The following THSD7A variants were observed in gnomAD, a reference collection of about 807,000 sequenced individuals.
THSD7A encodes thrombospondin type-1 domain-containing protein 7A.
THSD7A carries 96 observed loss-of-function variants against 231.3 expected under a neutral mutation model. The observed-to-expected ratio is 0.41, with a 90% CI of 0.35 to 0.49. THSD7A has a LOEUF of 0.49. THSD7A is among the 20% of genes least tolerant of loss of function. The pLI is 0.05. For synonymous variants in THSD7A, 940 were observed against 743.3 expected (o/e 1.26, Z -4.30); for missense variants, 2,290 against 2,070.2 (o/e 1.11, Z -2.06).
intron 7 of THSD7A, among the ~76,000 whole-genome samples, chr7:11,475,597 CATATAT>C (rs61076481): frequency 6.8e-6 from 1 of 147,582 alleles, no homozygotes; most frequent in East Asian, 2.0e-4. Flanking sequence ...ATGTATATAA[CATATAT>C]ATAACATATA....
chr7:11,829,719 T>G (rs1785137325), intron 1 of THSD7A, among the ~76,000 whole-genome samples: 1 of 152,126 alleles, frequency 6.6e-6, no homozygotes. Context: ...ATGGTATATC[T>G]TTTTTCTTTA....
chr7:11,453,693 A>C (rs1405364116), intron 11 of THSD7A, among the ~76,000 whole-genome samples: 2 of 152,058 alleles, frequency 1.3e-5, no homozygotes, highest in Non-Finnish European at 2.9e-5. Flanking sequence ...GAGAAAATTT[A>C]CCATCATTTA....
intron 6 of THSD7A, among the ~76,000 whole-genome samples, chr7:11,493,009 T>G (rs1786961621): frequency 6.6e-6 from 1 of 152,118 alleles, no homozygotes; most frequent in African/African-American, 2.4e-5. Context: ...CTCTTCCACC[T>G]TGGGAACCAC....
intron 19 of THSD7A, among the ~76,000 whole-genome samples, chr7:11,410,975 AG>A (rs2115382250): frequency 6.6e-6 from 1 of 152,024 alleles, no homozygotes; most frequent in Non-Finnish European, 1.5e-5. Context: ...CTTTCAGAAT[AG>A]GCTAATTAGC....
intron 4 of THSD7A, among the ~76,000 whole-genome samples, chr7:11,576,074 C>A (rs186999882): frequency 3.3e-5 from 5 of 152,208 alleles, no homozygotes; most frequent in Non-Finnish European, 5.9e-5. Context: ...AAGCTTAGAG[C>A]CAGAAGTTGT....
chr7:11,670,337 G>A (rs1783332123), intron 1 of THSD7A, among the ~76,000 whole-genome samples: 1 of 152,174 alleles, frequency 6.6e-6, no homozygotes, highest in Admixed American at 6.5e-5. Flanking sequence ...CTATGTCCAG[G>A]CAAAGGCCAA....
At chr7:11,422,544 A>G (rs1048107909) in intron 16 of THSD7A, among the ~76,000 whole-genome samples, 2 of 151,284 alleles carry the variant, frequency 1.3e-5, no homozygotes, top group African/African-American at 4.9e-5. Flanking sequence ...TTGATCTGAA[A>G]AGTTACTTTG....
intron 1 of THSD7A, among the ~76,000 whole-genome samples, chr7:11,741,338 A>C (rs1782106048): frequency 6.6e-6 from 1 of 151,896 alleles, no homozygotes; most frequent in African/African-American, 2.4e-5. Flanking sequence ...CATTTCTCTT[A>C]ATCTAAAAGA....
At chr7:11,482,472 A>G (rs1399919277) in intron 6 of THSD7A, among the ~76,000 whole-genome samples, 1 of 152,172 alleles carries the variant, frequency 6.6e-6, no homozygotes, top group African/African-American at 2.4e-5. Context: ...TTTTCATACA[A>G]TTGGCAACCT....
intron 1 of THSD7A, among the ~76,000 whole-genome samples, chr7:11,724,794 A>C (rs1782084881): frequency 2.6e-5 from 4 of 151,930 alleles, no homozygotes; most frequent in Admixed American, 1.3e-4. Context: ...TTCAAGGAGA[A>C]ACATATGTAT....
chr7:11,621,398 C>A (rs1334920724), intron 2 of THSD7A, among the ~76,000 whole-genome samples: 2 of 152,094 alleles, frequency 1.3e-5, no homozygotes, highest in African/African-American at 4.8e-5. Flanking sequence ...TTCTTTCTGG[C>A]AAGATATAAA....
intron 1 of THSD7A, among the ~76,000 whole-genome samples, chr7:11,723,121 A>G (rs576981730): frequency 2.0e-5 from 3 of 152,148 alleles, no homozygotes; most frequent in African/African-American, 7.2e-5. Flanking sequence ...TGTGGCACAT[A>G]TACACCATGG....
At chr7:11,520,258 T>C (rs1302083959) in intron 6 of THSD7A, 1 of 152,216 alleles carries the variant, frequency 6.6e-6, no homozygotes, top group African/African-American at 2.4e-5. Flanking sequence ...AGTTTCTTAA[T>C]CTCATGATGC....
chr7:11,777,455 A>T (rs1412392882), intron 1 of THSD7A, among the ~76,000 whole-genome samples: 1 of 112,228 alleles, frequency 8.9e-6, no homozygotes, highest in Non-Finnish European at 1.9e-5. Flanking sequence ...ACACACACAC[A>T]CACACTCTTT....
At chr7:11,436,777 A>G (rs891137494) in intron 13 of THSD7A, among the ~76,000 whole-genome samples, 8 of 151,986 alleles carry the variant, frequency 5.3e-5, no homozygotes, top group African/African-American at 1.4e-4. Context: ...TCTTCTTCCT[A>G]CATTATTTTA....
chr7:11,674,813 G>T (rs2128136814), intron 1 of THSD7A, among the ~76,000 whole-genome samples: 1 of 152,254 alleles, frequency 6.6e-6, no homozygotes, highest in Admixed American at 6.5e-5. Context: ...ATTCTAACCA[G>T]ATTGAAATGT....
chr7:11,654,371 A>T (rs2128370096), intron 1 of THSD7A, among the ~76,000 whole-genome samples: 1 of 152,108 alleles, frequency 6.6e-6, no homozygotes, highest in South Asian at 2.1e-4. Context: ...AATCAGTCTT[A>T]ACTTCAAAGG....
At chr7:11,503,823 G>A (rs1444556742) in intron 6 of THSD7A, among the ~76,000 whole-genome samples, 1 of 152,166 alleles carries the variant, frequency 6.6e-6, no homozygotes, top group Non-Finnish European at 1.5e-5. Flanking sequence ...ATGCTGGCAA[G>A]GTTGCAGAGA....
At position 11,554,319 on chromosome 7, in the gene THSD7A, G is replaced by C. The variant is rs113291369; in HGVS notation, c.1454-11202C>G. 5.9e-5 allele frequency among the ~76,000 whole-genome samples: 9 copies of C among 152,124 alleles called. 1 individual carries two copies. Among genetic ancestry groups the C allele is most frequent in the African/African-American group, 2.2e-4 (9 of 41,544 alleles). On this transcript the variant is annotated intron_variant, in intron 4 of 27. Transcript: ENST00000423059. The stretch of plus-strand genomic sequence containing the variant: ...CATACAGAGAAGTACCATGCTTAAC[G>C]AAGACAGAGTTTGGAATGATGCAGC...
Sources: gnomAD v4.1 joint callset for allele counts (sites outside exome capture counted in the v4.1 genomes callset) on GRCh38, gnomAD v4.1.1 for gene constraint, MANE v1.5 for transcripts, NCBI Gene and HGNC (gene_info 2026-07-23, HGNC 2026-07-21) for gene names.